The following MRTFB variants were observed in gnomAD, a reference collection of about 807,000 sequenced individuals.
MRTFB encodes myocardin-related transcription factor B.
Under a neutral mutation model 104.2 loss-of-function variants are expected in MRTFB, and 29 were observed. The ratio of observed to expected loss-of-function variants is 0.28; its 90% CI spans 0.21 to 0.38. The LOEUF is 0.38. MRTFB is among the 10% of genes least tolerant of loss of function. The pLI, the probability that MRTFB is intolerant of heterozygous loss-of-function variation, is 1.00. For synonymous variants in MRTFB, 535 were observed against 519.5 expected, an observed-to-expected ratio of 1.03 and a Z score of -0.41; for missense variants, 1,270 against 1,341.6, an observed-to-expected ratio of 0.95 and a Z score of 0.83.
chr16:14,048,840 G>A, the MRTFB span, among the ~76,000 whole-genome samples: 3 of 152,154 alleles, frequency 2.0e-5, no homozygotes, highest in Non-Finnish European at 4.4e-5. Flanking sequence ...GCTGGACTGC[G>A]TCCTGCTCAT....
upstream of MRTFB, among the ~76,000 whole-genome samples, chr16:14,067,533 C>T (rs2033536969): frequency 6.6e-6 from 1 of 152,196 alleles, no homozygotes; most frequent in East Asian, 1.9e-4. Flanking sequence ...TGGTGTTAAC[C>T]CTTAACCACA....
chr16:14,173,895 AT>A (rs1272577698), intron 3 of MRTFB, among the ~76,000 whole-genome samples: 3 of 151,756 alleles, frequency 2.0e-5, no homozygotes, highest in Non-Finnish European at 2.9e-5. Context: ...CAAAACAACT[AT>A]TTTTTTTAGA....
At chr16:14,033,972 T>C in the MRTFB span, among the ~76,000 whole-genome samples, 43 of 152,236 alleles carry the variant, frequency 2.8e-4, no homozygotes, top group African/African-American at 9.6e-4. Context: ...CTGAAGGTGC[T>C]CCTTATTTCT....
chr16:14,152,247 T>C (rs755575084), intron 3 of MRTFB: 4 of 152,050 alleles, frequency 2.6e-5, no homozygotes, highest in African/African-American at 9.7e-5. Context: ...AACCCAATCA[T>C]TTAACAAAGA....
rs116382408 is a variant in MRTFB, at chr16:14,178,169, G to A, written c.155-32074G>A. Among the ~76,000 whole-genome samples, 297 of 152,202 alleles carry A rather than the reference G, an allele frequency of 2.0e-3. 1 individual carries two copies. Among genetic ancestry groups the A allele is most frequent in the African/African-American group, 6.9e-3 (288 of 41,512 alleles). ...GATTACAGACCTAAACAAATTGTCT[G>A]GATTCCCTATGGCAAGAAAAAAATT... is the stretch of plus-strand genomic sequence containing the variant. On this transcript the variant is annotated intron_variant, in intron 3 of 16. Transcript: ENST00000571589.
chr16:14,116,935 TATTGA>T (rs1308941748), intron 2 of MRTFB, among the ~76,000 whole-genome samples: 4 of 152,276 alleles, frequency 2.6e-5, no homozygotes, highest in African/African-American at 7.2e-5. Context: ...ACCTTATACA[TATTGA>T]ATTAAATTAA....
chr16:14,239,859 G>A (rs865917285), intron 9 of MRTFB, among the ~76,000 whole-genome samples: 8 of 152,006 alleles, frequency 5.3e-5, no homozygotes, highest in African/African-American at 1.7e-4. Context: ...CATGGTTTTG[G>A]TGAAGTATAC....
chr16:14,030,352 C>T, the MRTFB span, among the ~76,000 whole-genome samples: 3 of 152,184 alleles, frequency 2.0e-5, no homozygotes, highest in Non-Finnish European at 2.9e-5. Context: ...CACACTGCCA[C>T]GGAGTCAGAT....
At chr16:14,035,341 T>C in the MRTFB span, among the ~76,000 whole-genome samples, 1 of 152,178 alleles carries the variant, frequency 6.6e-6, no homozygotes, top group Non-Finnish European at 1.5e-5. Flanking sequence ...AAATCTGCTT[T>C]TATTCCAACT....
the MRTFB span, among the ~76,000 whole-genome samples, chr16:14,057,228 C>A: frequency 1.3e-5 from 2 of 151,982 alleles, no homozygotes; most frequent in African/African-American, 4.8e-5. Context: ...GATGGGAATG[C>A]AAATTTATTT....
the MRTFB span, among the ~76,000 whole-genome samples, chr16:14,049,446 AT>A: frequency 2.0e-5 from 3 of 152,238 alleles, no homozygotes; most frequent in Non-Finnish European, 4.4e-5. Flanking sequence ...TGAAGCTTGG[AT>A]TCTCTTTGCT....
At chr16:14,126,519 A>C (rs1318638559) in intron 2 of MRTFB, among the ~76,000 whole-genome samples, 1 of 152,222 alleles carries the variant, frequency 6.6e-6, no homozygotes, top group Non-Finnish European at 1.5e-5. Flanking sequence ...TTTTTTAAAA[A>C]TAATAATGTT....
At chr16:14,138,146 CT>C (rs940970252) in intron 2 of MRTFB, among the ~76,000 whole-genome samples, 6 of 152,040 alleles carry the variant, frequency 3.9e-5, no homozygotes, top group African/African-American at 9.7e-5. Flanking sequence ...ATATTTACCC[CT>C]CTTTCATCTT....
At chr16:14,064,134 A>T in the MRTFB span, among the ~76,000 whole-genome samples, 1 of 152,170 alleles carries the variant, frequency 6.6e-6, no homozygotes, top group African/African-American at 2.4e-5. Context: ...CCTCGTCAGC[A>T]TCTGTTATTT....
chr16:14,202,637 A>G (rs1252084946), intron 3 of MRTFB, among the ~76,000 whole-genome samples: 1 of 152,252 alleles, frequency 6.6e-6, no homozygotes, highest in African/African-American at 2.4e-5. Context: ...GTCTAATGTA[A>G]TAGTAGTGGT....
chr16:14,248,326 T>C (rs30146), intron 12 of MRTFB: 10,880 of 152,348 alleles, frequency 0.071, 634 homozygotes, highest in East Asian at 0.31. Context: ...CCCCTGTGGT[T>C]AGGAGGCAGG....
rs1007086946 is a variant in MRTFB at position 14,247,060 on chromosome 16, G to C, written c.1800G>C (p.Met600Ile). Reference protein sequence around the residue: ...QEQKLVEVLKMQLEVEKRGQQ... With the variant: ...QEQKLVEVLKIQLEVEKRGQQ... ...AGAAGCTCGTGGAAGTGCTGAAAATGCAACTTGAGGTTGAAAAACGAGGGC... is the reference window on the plus strand; with the variant it reads ...AGAAGCTCGTGGAAGTGCTGAAAATCCAACTTGAGGTTGAAAAACGAGGGC... The change falls in exon 12 of 17, where the codon ATG (methionine) becomes ATC (isoleucine). Residue 600 changes from methionine to isoleucine, a missense_variant. By Grantham distance (10) the Met-to-Ile change is conservative (BLOSUM62 1). Around this residue, in one of 3 missense-constraint regions of MRTFB, gnomAD observed 1,144 missense variants for 1,131.5 expected, o/e 1.01. Transcript: ENST00000571589. 3 of 1,614,052 alleles carry C rather than the reference G, an allele frequency of 1.9e-6. No homozygotes were observed. The African/African-American group carries it at 4.0e-5, about 22-fold the overall frequency.
chr16:14,100,649 G>T (rs564396011), intron 2 of MRTFB, among the ~76,000 whole-genome samples: 1 of 152,290 alleles, frequency 6.6e-6, no homozygotes, highest in South Asian at 2.1e-4. Flanking sequence ...GATAGAATTG[G>T]TATTACATTT....
upstream of MRTFB, among the ~76,000 whole-genome samples, chr16:14,068,202 G>A (rs953742836): frequency 2.0e-5 from 3 of 152,146 alleles, no homozygotes; most frequent in Non-Finnish European, 4.4e-5. Context: ...TGGGCAATGA[G>A]GAAAGGATAA....
Sources: gnomAD v4.1 joint callset for allele counts (sites outside exome capture counted in the v4.1 genomes callset) on GRCh38, gnomAD v4.1.1 for gene constraint, gnomAD v4.1.1 regional missense constraint, MANE v1.5 for transcripts, NCBI Gene and HGNC (gene_info 2026-07-23, HGNC 2026-07-21) for gene names.